NEBL: variants seen among roughly 807,000 people sequenced by gnomAD.
NEBL encodes the protein nebulette, also known as LIM and SH3 protein 2.
NEBL carries 122 observed loss-of-function variants against 140.2 expected under a neutral mutation model. The ratio of observed to expected loss-of-function variants is 0.87; its 90% CI spans 0.75 to 1.01. The LOEUF (loss-of-function observed/expected upper bound fraction) is 1.01, where lower values mean the gene tolerates loss of function less well. NEBL is among the 50% of genes least tolerant of loss of function. The pLI, the probability that NEBL is intolerant of heterozygous loss-of-function variation, is 0.00. For missense variants in NEBL, 1,365 were observed against 1,231.3 expected, an observed-to-expected ratio of 1.11 and a Z score of -1.62; for synonymous variants, 436 against 398.9, an observed-to-expected ratio of 1.09 and a Z score of -1.11.
intron 3 of NEBL, among the ~76,000 whole-genome samples, chr10:21,235,915 T>G (rs1842341480): frequency 6.6e-6 from 1 of 152,144 alleles, no homozygotes; most frequent in Non-Finnish European, 1.5e-5. Context: ...AGGTCATCAG[T>G]CAAATCTCTG....
At chr10:20,809,763 G>C (rs1246522314) in intron 25 of NEBL, 43 bp downstream of exon 25, 1 of 1,435,842 alleles carries the variant, frequency 7.0e-7, no homozygotes, top group Admixed American at 1.7e-5. Context: ...TCACTTTTGG[G>C]ACAAAACCAC....
Position 21,123,999 on chromosome 10 carries a change from T to G in NEBL, c.164+48384A>C, listed in dbSNP as rs539602408. ...GTGTGTGTGTTCACTGGCACCAATCTATGACATTTTATGCATACAGAAGGT... is the reference window on the plus strand; with the variant it reads ...GTGTGTGTGTTCACTGGCACCAATCGATGACATTTTATGCATACAGAAGGT... On this transcript the variant is annotated intron_variant, in intron 2 of 6. Transcript: ENST00000417816. Among the ~76,000 whole-genome samples the G allele has an allele frequency of 7.2e-5, 11 of 152,204 alleles. No homozygotes were observed. In the East Asian group the frequency reaches 2.1e-3, roughly 29 times the overall value.
intron 1 of NEBL, among the ~76,000 whole-genome samples, chr10:21,265,095 G>T (rs746798629): frequency 4.6e-5 from 7 of 151,852 alleles, no homozygotes; most frequent in African/African-American, 7.3e-5. Context: ...ACTAATTTTT[G>T]TGTTTTTAGT....
chr10:21,215,708 T>C (rs764801119), intron 3 of NEBL, among the ~76,000 whole-genome samples: 2 of 152,218 alleles, frequency 1.3e-5, no homozygotes, highest in African/African-American at 2.4e-5. Context: ...TCATCCAGTC[T>C]GGAACGCAGT....
At chr10:21,088,456 C>A (rs1411008299) in intron 2 of NEBL, among the ~76,000 whole-genome samples, 1 of 152,154 alleles carries the variant, frequency 6.6e-6, no homozygotes, top group East Asian at 1.9e-4. Context: ...TGCACTCCAA[C>A]CTGGTTGTCA....
At chr10:21,255,546 C>T (rs1482986479) in intron 1 of NEBL, among the ~76,000 whole-genome samples, 3 of 152,132 alleles carry the variant, frequency 2.0e-5, no homozygotes, top group African/African-American at 2.4e-5. Flanking sequence ...TTCATTATAC[C>T]GGTCACATTT....
intron 3 of NEBL, among the ~76,000 whole-genome samples, chr10:20,973,650 C>T (rs11813945): frequency 0.17 from 25,938 of 152,170 alleles, 2,673 homozygotes; most frequent in South Asian, 0.3. Context: ...TTTCTCTTCA[C>T]GTAGACTTTG....
chr10:20,835,372 A>C (rs1385717357), intron 14 of NEBL, 141 bp downstream of exon 14: 1 of 765,446 alleles, frequency 1.3e-6, no homozygotes, highest in Non-Finnish European at 2.3e-6. Flanking sequence ...AACTGGCATA[A>C]TGCTTCGGAA....
chr10:21,021,899 G>A (rs991440074), intron 2 of NEBL, among the ~76,000 whole-genome samples: 3 of 152,154 alleles, frequency 2.0e-5, no homozygotes, highest in Admixed American at 6.5e-5. Context: ...CGAAGGGATG[G>A]AGGGAGCAGA....
chr10:21,060,297 T>A (rs1038199917), intron 2 of NEBL, among the ~76,000 whole-genome samples: 1 of 152,182 alleles, frequency 6.6e-6, no homozygotes, highest in African/African-American at 2.4e-5. Context: ...TCATATACAT[T>A]AGGCAGTATC....
intron 2 of NEBL, among the ~76,000 whole-genome samples, chr10:21,100,763 C>T (rs1358894346): frequency 6.6e-6 from 1 of 152,170 alleles, no homozygotes; most frequent in Non-Finnish European, 1.5e-5. Context: ...ATTCTATATC[C>T]TTCCATGACT....
chr10:21,047,224 C>T, intron 2 of NEBL, among the ~76,000 whole-genome samples: 1 of 152,128 alleles, frequency 6.6e-6, no homozygotes, highest in Admixed American at 6.6e-5. Context: ...AACAAAAATA[C>T]AAGATCAACC....
At position 20,942,749 on chromosome 10, in the gene NEBL, A is replaced by ACAAACAAC. The variant is rs1834944601; in HGVS notation, c.357+18915_357+18922dup. On this transcript the variant is annotated intron_variant, in intron 4 of 6. Coordinates refer to the NEBL transcript ENST00000417816. ...AACTTAAACAATGTACAAGAAAAAA[A>ACAAACAAC]CAAACAACCCCATCAAAAAGTGGGT... is the stretch of plus-strand genomic sequence containing the variant. Among the ~76,000 whole-genome samples, 2 of 152,214 alleles carry ACAAACAAC rather than the reference A, an allele frequency of 1.3e-5. 1 individual carries two copies. Among genetic ancestry groups the ACAAACAAC allele is most frequent in the South Asian group, 4.1e-4 (2 of 4,822 alleles).
intron 3 of NEBL, among the ~76,000 whole-genome samples, chr10:21,016,348 A>G (rs764938278): frequency 6.6e-6 from 1 of 152,212 alleles, no homozygotes; most frequent in South Asian, 2.1e-4. Context: ...TATTATGACA[A>G]TCTGGCACCT....
chr10:20,992,070 T>A (rs1197030865), intron 3 of NEBL, among the ~76,000 whole-genome samples: 1 of 152,240 alleles, frequency 6.6e-6, no homozygotes, highest in East Asian at 1.9e-4. Context: ...GGTGCTGTGA[T>A]AAACATGAAT....
At chr10:21,060,153 T>C (rs1383483060) in intron 2 of NEBL, among the ~76,000 whole-genome samples, 1 of 152,166 alleles carries the variant, frequency 6.6e-6, no homozygotes, top group African/African-American at 2.4e-5. Context: ...TGCTTCTAAA[T>C]GACAGAAGTT....
At chr10:21,219,860 GTTTT>G (rs11333216) in intron 3 of NEBL, among the ~76,000 whole-genome samples, 7 of 128,956 alleles carry the variant, frequency 5.4e-5, no homozygotes, top group African/African-American at 2.0e-4. Context: ...ATTTTCTTGG[GTTTT>G]TTTTTTTTTT....
intron 18 of NEBL, among the ~76,000 whole-genome samples, chr10:20,823,974 C>A (rs573890878): frequency 9.9e-5 from 15 of 152,204 alleles, no homozygotes; most frequent in African/African-American, 3.6e-4. Flanking sequence ...ATCCTGGCTT[C>A]TACTTCACTC....
intron 2 of NEBL, among the ~76,000 whole-genome samples, chr10:21,058,554 T>C (rs1267042799): frequency 6.6e-6 from 1 of 151,956 alleles, no homozygotes; most frequent in Non-Finnish European, 1.5e-5. Context: ...TAAAGTTTTG[T>C]AGTGTATTAA....
Sources: allele counts gnomAD v4.1 joint callset (sites outside exome capture counted in the v4.1 genomes callset), GRCh38; gene constraint gnomAD v4.1.1; transcripts MANE v1.5; gene names NCBI Gene and HGNC (gene_info 2026-07-23, HGNC 2026-07-21).